Variants in DIAPH3 observed in about 807,000 individuals in gnomAD.
DIAPH3 encodes the protein protein diaphanous homolog 3.
A neutral mutation model predicts 144.3 loss-of-function variants in DIAPH3; 117 were observed. The observed-to-expected ratio is 0.81, with a 90% CI of 0.70 to 0.95. The LOEUF (loss-of-function observed/expected upper bound fraction) is 0.95, where lower values mean the gene tolerates loss of function less well. Among genes scored for constraint, DIAPH3 ranks in the 40% least tolerant of loss-of-function variants. The pLI, the probability that DIAPH3 is intolerant of heterozygous loss-of-function variation, is 0.00. For missense variants in DIAPH3, 1,421 were observed against 1,412.7 expected, an observed-to-expected ratio of 1.01 and a Z score of -0.09; for synonymous variants, 519 against 488.9, an observed-to-expected ratio of 1.06 and a Z score of -0.81.
At chr13:59,844,667 T>G (rs1386721871) in intron 22 of DIAPH3, among the ~76,000 whole-genome samples, 2 of 152,180 alleles carry the variant, frequency 1.3e-5, no homozygotes, top group Non-Finnish European at 2.9e-5. Context: ...ATATTTTTTG[T>G]ATTCCTGTTC....
intron 27 of DIAPH3, among the ~76,000 whole-genome samples, chr13:59,757,636 G>A (rs772641211): frequency 2.6e-5 from 4 of 151,926 alleles, no homozygotes; most frequent in African/African-American, 9.7e-5. Context: ...TCCTGACCTC[G>A]TGATCCGCCC....
Position 59,692,409 on chromosome 13 carries a change from A to AC in DIAPH3, c.3320-25564dup, listed in dbSNP as rs376316659. On this transcript the variant is annotated intron_variant, in intron 27 of 27. Coordinates refer to ENST00000400324, the MANE Select transcript of DIAPH3 (RefSeq NM_001042517.2). ...CCTACTTCCCTGACTGACACCCCCA[A>AC]CCCCCCCATCCCCCGACACCAAATA... is the stretch of plus-strand genomic sequence containing the variant. Among the ~76,000 whole-genome samples, 443 of 143,004 alleles carry AC rather than the reference A, an allele frequency of 3.1e-3. 2 individuals are homozygous for AC. The highest frequency in any genetic ancestry group is 0.025 in the South Asian group (107 of 4,252). 93.8% of individuals were successfully genotyped at this position (143,004 alleles called of 152,430 possible). A position where few individuals can be genotyped will look rare whatever the true frequency, so the allele number is the denominator to read the frequency against.
intron 27 of DIAPH3, among the ~76,000 whole-genome samples, chr13:59,681,641 C>T (rs1054696646): frequency 6.6e-6 from 1 of 151,648 alleles, no homozygotes; most frequent in Non-Finnish European, 1.5e-5. Flanking sequence ...TTACAAGACT[C>T]ATTATAAAAA....
intron 27 of DIAPH3, among the ~76,000 whole-genome samples, chr13:59,682,788 C>T (rs559083254): frequency 2.0e-5 from 3 of 152,242 alleles, no homozygotes; most frequent in South Asian, 2.1e-4. Context: ...CAAAACATAG[C>T]GATGCCAACT....
intron 27 of DIAPH3, among the ~76,000 whole-genome samples, chr13:59,687,762 G>A (rs1172174986): frequency 6.6e-6 from 1 of 151,980 alleles, no homozygotes; most frequent in Non-Finnish European, 1.5e-5. Context: ...ATGATTATTC[G>A]ATGAACTGCC....
At chr13:59,761,258 C>A (rs549738533) in intron 27 of DIAPH3, among the ~76,000 whole-genome samples, 4 of 152,266 alleles carry the variant, frequency 2.6e-5, no homozygotes, top group African/African-American at 9.6e-5. Context: ...TTCATGAGAT[C>A]AGTGTAATAC....
At chr13:59,796,929 A>G (rs1454837634) in intron 25 of DIAPH3, among the ~76,000 whole-genome samples, 2 of 152,180 alleles carry the variant, frequency 1.3e-5, no homozygotes, top group Non-Finnish European at 2.9e-5. Flanking sequence ...GGAATTTTCC[A>G]AATTAGAAGG....
chr13:59,924,661 C>T, intron 18 of DIAPH3, 114 bp downstream of exon 18: 1 of 1,442,502 alleles, frequency 6.9e-7, no homozygotes. Context: ...ATTTATCATG[C>T]ATATAATAAC....
At chr13:59,712,096 C>T (rs1286212312) in intron 27 of DIAPH3, among the ~76,000 whole-genome samples, 1 of 152,072 alleles carries the variant, frequency 6.6e-6, no homozygotes, top group Non-Finnish European at 1.5e-5. Context: ...GTTAGAACAA[C>T]AAAGTCAAGA....
rs565208459 is a variant in DIAPH3 at position 59,872,911 on chromosome 13, G to C, written c.2607+6318C>G. Reference sequence around the variant, plus strand: ...CAAGCAGCCTATTTGCTGAGCCTGAGCAAAGTCACTCCATCTTTTATAATT... The same window carrying C: ...CAAGCAGCCTATTTGCTGAGCCTGACCAAAGTCACTCCATCTTTTATAATT... On this transcript the variant is annotated intron_variant, in intron 21 of 27. Coordinates refer to ENST00000400324, the MANE Select transcript of DIAPH3 (RefSeq NM_001042517.2). Among the ~76,000 whole-genome samples, 3 of 152,290 alleles carry C rather than the reference G, an allele frequency of 2.0e-5. No individual in the cohort carries two copies. The South Asian group carries it at 6.2e-4, about 32-fold the overall frequency.
At chr13:59,818,607 A>G (rs1366147482) in intron 24 of DIAPH3, among the ~76,000 whole-genome samples, 1 of 151,780 alleles carries the variant, frequency 6.6e-6, no homozygotes, top group African/African-American at 2.4e-5. Flanking sequence ...GGAAAATTCT[A>G]AGCCACCATT....
chr13:60,058,371 T>C (rs550413832), intron 4 of DIAPH3, among the ~76,000 whole-genome samples: 1 of 152,086 alleles, frequency 6.6e-6, no homozygotes, highest in East Asian at 1.9e-4. Context: ...ATGATCGTTA[T>C]TAAAAAGCCA....
chr13:59,916,152 T>A lies in DIAPH3; in HGVS notation c.2265+3A>T. 6.2e-7 allele frequency: 1 copy of A among 1,611,206 alleles called. No homozygotes were observed. Among genetic ancestry groups the A allele is most frequent in the Middle Eastern group, 1.7e-4 (1 of 6,046 alleles). On this transcript the variant is annotated splice_donor_region_variant and intron_variant, in intron 19 of 27. Coordinates refer to ENST00000400324, the MANE Select transcript of DIAPH3 (RefSeq NM_001042517.2). ...GAAATTTAAGCTGTGCCTGTTTGTT[T>A]ACCTGAATCATAGACTCTGCCAACC...
chr13:59,718,347 C>T (rs1036493146), intron 27 of DIAPH3, among the ~76,000 whole-genome samples: 4 of 152,120 alleles, frequency 2.6e-5, no homozygotes, highest in African/African-American at 9.7e-5. Flanking sequence ...CTGAAGTCTC[C>T]CTGAATAGCT....
At chr13:59,922,072 G>A (rs1357218959) in intron 18 of DIAPH3, among the ~76,000 whole-genome samples, 3 of 151,960 alleles carry the variant, frequency 2.0e-5, no homozygotes, top group Admixed American at 6.6e-5. Context: ...AAATATATGC[G>A]TTATATATGA....
At chr13:59,756,312 G>T (rs1349187352) in intron 27 of DIAPH3, among the ~76,000 whole-genome samples, 1 of 151,320 alleles carries the variant, frequency 6.6e-6, no homozygotes, top group African/African-American at 2.4e-5. Context: ...AAATAAGTAG[G>T]GTATATAAAC....
At chr13:59,764,672 C>T (rs998515931) in intron 27 of DIAPH3, among the ~76,000 whole-genome samples, 4 of 150,310 alleles carry the variant, frequency 2.7e-5, no homozygotes, top group Admixed American at 2.0e-4. Context: ...ATGGGGAGAA[C>T]ACCATGTGAT....
chr13:59,981,839 G>C (rs983288212), intron 13 of DIAPH3, among the ~76,000 whole-genome samples: 16 of 150,918 alleles, frequency 1.1e-4, no homozygotes, highest in African/African-American at 3.4e-4. Flanking sequence ...ATGTACATAA[G>C]TATTATTTCT....
chr13:59,951,509 T>C (rs2049095645), intron 17 of DIAPH3, among the ~76,000 whole-genome samples: 1 of 152,140 alleles, frequency 6.6e-6, no homozygotes, highest in Non-Finnish European at 1.5e-5. Flanking sequence ...AACACATATA[T>C]CTTTCATGTA....
Sources: gnomAD v4.1 joint callset for allele counts (sites outside exome capture counted in the v4.1 genomes callset) on GRCh38, gnomAD v4.1.1 for gene constraint, MANE v1.5 for transcripts, NCBI Gene and HGNC (gene_info 2026-07-23, HGNC 2026-07-21) for gene names.